Variants in SLC35D2 observed in about 807,000 individuals in gnomAD.
SLC35D2 encodes the protein solute carrier family 35 member D2.
SLC35D2 carries 43 observed loss-of-function variants against 41.8 expected under a neutral mutation model. The observed-to-expected ratio is 1.03, with a 90% CI of 0.81 to 1.33. The LOEUF is 1.33. Ranked by LOEUF, SLC35D2 falls within the 40% of genes most tolerant of loss-of-function variation. SLC35D2 has a pLI of 0.00. For synonymous variants in SLC35D2, 150 were observed against 163.9 expected (o/e 0.92, Z 0.65); for missense variants, 380 against 408.4 (o/e 0.93, Z 0.60).
rs959423611 is a variant in SLC35D2, at chr9:96,321,170, C to T, written c.*72G>A. On this transcript the variant is annotated 3_prime_UTR_variant, in exon 12 of 12. Coordinates refer to ENST00000253270, the MANE Select transcript of SLC35D2 (RefSeq NM_007001.3). ...GATGTCACGAATCCGAAACCTCTGG[C>T]TTCACATTCCTACTGGGAATGCCCC... The T allele has an allele frequency of 1.6e-5, 19 of 1,173,266 alleles. No homozygotes were observed. Among genetic ancestry groups the T allele is most frequent in the Middle Eastern group, 2.0e-4 (1 of 5,064 alleles). The allele number at this position is 1,173,266 out of a possible 1,614,324, so 72.7% of individuals were successfully genotyped here. A position where few individuals can be genotyped will look rare whatever the true frequency, so the allele number is the denominator to read the frequency against.
At chr9:96,352,160 T>A (rs750845427) in intron 4 of SLC35D2, 51 bp from the exon 5 acceptor site, 6 of 1,236,200 alleles carry the variant, frequency 4.9e-6, no homozygotes, top group Non-Finnish European at 7.0e-6. Context: ...GGTTGATTGG[T>A]TTTATCTTTT....
chr9:96,383,542 C>A lies in SLC35D2; in HGVS notation c.93G>T (p.Ala31=). Residue 31 remains alanine (A), a synonymous_variant, in exon 1 of 12, where the codon GCG becomes GCT. Coordinates refer to ENST00000253270, the MANE Select transcript of SLC35D2 (RefSeq NM_007001.3). ...GGAAGGAGCAGGTCCCGTAGAAGAG[C>A]GCCGACAGCAGCCGGGCCACCCGCG... ...LPSRVARLLS[A]LFYGTCSFLI... 6.6e-7 allele frequency: 1 copy of A among 1,509,390 alleles called. No homozygotes were observed. The highest frequency in any genetic ancestry group is 1.2e-5 in the South Asian group (1 of 80,954). The allele number at this position is 1,509,390 out of a possible 1,614,324, so 93.5% of individuals were successfully genotyped here.
At chr9:96,351,226 A>T in intron 5 of SLC35D2, 55 bp from the exon 6 acceptor site, 1 of 1,222,594 alleles carries the variant, frequency 8.2e-7, no homozygotes, top group Non-Finnish European at 1.2e-6. Context: ...AAACATTGAA[A>T]TATGATTATA....
intron 7 of SLC35D2, 63 bp downstream of exon 7, chr9:96,345,236 A>AC: frequency 1.2e-6 from 1 of 828,246 alleles, no homozygotes; most frequent in Non-Finnish European, 2.0e-6. Flanking sequence ...ATTCATTTTC[A>AC]TTTTTCATAT....
chr9:96,376,863 G>C (rs1830985632), intron 1 of SLC35D2, among the ~76,000 whole-genome samples: 1 of 151,548 alleles, frequency 6.6e-6, no homozygotes, highest in Admixed American at 6.6e-5. Flanking sequence ...ACCCGCCTCG[G>C]CCTCCCAAAG....
rs556879561 is a variant in SLC35D2 at position 96,324,019 on chromosome 9, C to T, written c.831+72G>A. The T allele has an allele frequency of 2.4e-4, 320 of 1,359,020 alleles. 1 individual carries two copies. Among genetic ancestry groups the T allele is most frequent in the Non-Finnish European group, 2.3e-4 (219 of 951,574 alleles). The allele number at this position is 1,359,020 out of a possible 1,614,324, so 84.2% of individuals were successfully genotyped here. A position where few individuals can be genotyped will look rare whatever the true frequency, so the allele number is the denominator to read the frequency against. Reference sequence around the variant, plus strand: ...CCACCACCAACAACAAAATCAAACCCGGCCTCCCATGGAATATTTGGATTT... The same window carrying T: ...CCACCACCAACAACAAAATCAAACCTGGCCTCCCATGGAATATTTGGATTT... On this transcript the variant is annotated intron_variant, in intron 10 of 11. Transcript: ENST00000253270.
intron 1 of SLC35D2, among the ~76,000 whole-genome samples, chr9:96,373,056 C>T (rs1353289247): frequency 1.3e-5 from 2 of 151,848 alleles, no homozygotes; most frequent in African/African-American, 4.8e-5. Context: ...CCCACCACCA[C>T]GCCTGGCTAA....
At position 96,355,468 on chromosome 9, in the gene SLC35D2, A is replaced by T. The variant is rs1248133034; in HGVS notation, c.348-3359T>A. Among the ~76,000 whole-genome samples the T allele has an allele frequency of 3.3e-5, 5 of 151,700 alleles. No individual in the cohort carries two copies. In the East Asian group the frequency reaches 9.7e-4, roughly 30 times the overall value. Reference sequence around the variant, plus strand: ...TGCCACTTGTACTCCAGTCTGGGCAACAGAGTGAGATATTGTCTCTAAGAA... The same window carrying T: ...TGCCACTTGTACTCCAGTCTGGGCATCAGAGTGAGATATTGTCTCTAAGAA... On this transcript the variant is annotated intron_variant, in intron 4 of 11. Transcript: ENST00000253270.
chr9:96,356,297 T>C (rs1830019433), intron 4 of SLC35D2, among the ~76,000 whole-genome samples: 1 of 151,824 alleles, frequency 6.6e-6, no homozygotes, highest in Non-Finnish European at 1.5e-5. Flanking sequence ...TTACCCAGCC[T>C]CAGGTAGTCC....
intron 1 of SLC35D2, among the ~76,000 whole-genome samples, chr9:96,373,249 A>G (rs1385011044): frequency 6.6e-6 from 1 of 152,202 alleles, no homozygotes; most frequent in African/African-American, 2.4e-5. Flanking sequence ...AACGATACCA[A>G]GTAGCCATAA....
At chr9:96,364,331 T>C in intron 3 of SLC35D2, 133 bp downstream of exon 3, 3 of 599,006 alleles carry the variant, frequency 5.0e-6, no homozygotes. Context: ...CGACAGTCCA[T>C]CTCAAACAAA....
At chr9:96,336,652 T>C in intron 9 of SLC35D2, 65 bp downstream of exon 9, 1 of 927,348 alleles carries the variant, frequency 1.1e-6, no homozygotes, top group Non-Finnish European at 1.7e-6. Flanking sequence ...ACAGAAGGCA[T>C]ATCTTGATTT....
At chr9:96,347,192 G>A (rs1424462002) in intron 6 of SLC35D2, among the ~76,000 whole-genome samples, 4 of 152,152 alleles carry the variant, frequency 2.6e-5, no homozygotes, top group Admixed American at 6.6e-5. Flanking sequence ...GTGATTCAGC[G>A]TGAAGAAGAG....
chr9:96,373,120 G>A (rs1338348195), intron 1 of SLC35D2, among the ~76,000 whole-genome samples: 1 of 151,912 alleles, frequency 6.6e-6, no homozygotes, highest in African/African-American at 2.4e-5. Context: ...AGCTGGTCTT[G>A]AACTTCTGAC....
At chr9:96,317,780 C>T (rs7034924), downstream of SLC35D2, among the ~76,000 whole-genome samples, 80,955 of 151,162 alleles carry the variant, frequency 0.54, 21,871 homozygotes, top group African/African-American at 0.61. Flanking sequence ...TCCCAGCACT[C>T]TGGGAGGCCG....
intron 4 of SLC35D2, 91 bp downstream of exon 4, chr9:96,360,063 C>A: frequency 1.2e-6 from 1 of 833,644 alleles, no homozygotes; most frequent in Non-Finnish European, 2.0e-6. Context: ...ATGGTACAAG[C>A]ACTATCAATG....
At chr9:96,340,175 A>G (rs1374064785) in intron 8 of SLC35D2, among the ~76,000 whole-genome samples, 1 of 152,204 alleles carries the variant, frequency 6.6e-6, no homozygotes, top group Non-Finnish European at 1.5e-5. Context: ...ATTTGCCCTG[A>G]TTCAGTGAAT....
rs1429267631 is a variant in SLC35D2 at position 96,322,082 on chromosome 9, T to C, written c.832-2A>G. 6.3e-7 allele frequency: 1 copy of C among 1,575,812 alleles called. No individual in the cohort carries two copies. The highest frequency in any genetic ancestry group is 1.1e-5 in the South Asian group (1 of 88,506). Reference sequence around the variant, plus strand: ...CCCAATGTAGGCAACGGATACATTCTGCAGAAAAAGAGAGAGGATTCGTCA... The same window carrying C: ...CCCAATGTAGGCAACGGATACATTCCGCAGAAAAAGAGAGAGGATTCGTCA... On this transcript the variant is annotated splice_acceptor_variant, in intron 10 of 11. Coordinates refer to ENST00000253270, the MANE Select transcript of SLC35D2 (RefSeq NM_007001.3). LOFTEE classifies it high-confidence loss of function.
intron 3 of SLC35D2, among the ~76,000 whole-genome samples, chr9:96,362,551 G>GAAT (rs1203022953): frequency 1.3e-5 from 2 of 151,814 alleles, no homozygotes; most frequent in East Asian, 3.9e-4. Flanking sequence ...TCCAGATTTA[G>GAAT]AATAATTACA....
Sources: allele counts gnomAD v4.1 joint callset (sites outside exome capture counted in the v4.1 genomes callset), GRCh38; gene constraint gnomAD v4.1.1; transcripts MANE v1.5; gene names NCBI Gene and HGNC (gene_info 2026-07-23, HGNC 2026-07-21).